USO1: variants seen among roughly 807,000 people sequenced by gnomAD.
USO1 encodes USO1 vesicle transport factor, also known as general vesicular transport factor p115.
USO1 carries 57 observed loss-of-function variants against 124.5 expected under a neutral mutation model. That is an observed-to-expected ratio of 0.46 (90% CI 0.37 to 0.57). The LOEUF is 0.57. Ranked by LOEUF, USO1 falls within the 20% of genes least tolerant of loss-of-function variation. The pLI, the probability that USO1 is intolerant of heterozygous loss-of-function variation, is 0.00. For synonymous variants in USO1, 369 were observed against 362.8 expected (o/e 1.02, Z -0.19); for missense variants, 900 against 1,040.6 (o/e 0.86, Z 1.86).
rs72649496 is a variant in USO1, at chr4:75,782,851, T to C, written c.848T>C (p.Met283Thr). ...SAQKVTNLHL[M>T]LQLVRVLVSP... Reference sequence around the variant, plus strand: ...CAGAAAGTGACCAATCTACATCTAATGCTACAGGTATACTATCCTTAGACA... The same window carrying C: ...CAGAAAGTGACCAATCTACATCTAACGCTACAGGTATACTATCCTTAGACA... Residue 283 changes from methionine to threonine, a missense_variant, in exon 9 of 24, where the codon ATG (methionine) becomes ACG (threonine). By Grantham distance (81) the Met-to-Thr change is moderately conservative. Around this residue, in one of 2 missense-constraint regions of USO1, gnomAD observed 538 missense variants for 681.6 expected, o/e 0.79. Transcript: ENST00000514213. 138 of 1,591,072 alleles carry C rather than the reference T, an allele frequency of 8.7e-5. No individual in the cohort carries two copies. Among genetic ancestry groups the C allele is most frequent in the Non-Finnish European group, 8.9e-5 (105 of 1,173,484 alleles).
At chr4:75,760,747 A>G in intron 4 of USO1, 1 of 387,720 alleles carries the variant, frequency 2.6e-6, no homozygotes. Context: ...TCTTTAATTG[A>G]AGAGGAATAT....
intron 13 of USO1, among the ~76,000 whole-genome samples, chr4:75,796,820 C>T (rs535913540): frequency 5.9e-5 from 9 of 151,346 alleles, no homozygotes; most frequent in Admixed American, 5.3e-4. Flanking sequence ...TTATTTATAT[C>T]CTCTGCCCAT....
intron 23 of USO1, 37 bp downstream of exon 23, chr4:75,812,412 T>C: frequency 1.3e-6 from 2 of 1,525,142 alleles, no homozygotes; most frequent in South Asian, 2.5e-5. Context: ...ATTTGTATTA[T>C]GTTTTAGTAT....
chr4:75,725,581 G>C (rs570339969), intron 1 of USO1, among the ~76,000 whole-genome samples: 2 of 149,908 alleles, frequency 1.3e-5, no homozygotes, highest in African/African-American at 4.9e-5. Context: ...ACCGCTTTCT[G>C]CCTGAACTCC....
rs143889940 is a variant in USO1, at chr4:75,793,424, C to T, written c.1241-266C>T. 2.4e-4 allele frequency among the ~76,000 whole-genome samples: 36 copies of T among 152,014 alleles called. 1 individual carries two copies. Among genetic ancestry groups the T allele is most frequent in the African/African-American group, 6.5e-4 (27 of 41,478 alleles). On this transcript the variant is annotated intron_variant, in intron 12 of 23. Transcript: ENST00000514213. The stretch of plus-strand genomic sequence containing the variant: ...CCTTCCAAAGTGCGAGAATTACAGG[C>T]GTGAGCCACCATGCCCAGCCTCCAC...
At chr4:75,808,916 C>T in intron 20 of USO1, 37 bp from the exon 21 acceptor site, 1 of 1,545,398 alleles carries the variant, frequency 6.5e-7, no homozygotes, top group Non-Finnish European at 8.7e-7. Flanking sequence ...AATTTAATAC[C>T]ATTTAATGTT....
At position 75,724,774 on chromosome 4, in the gene USO1, C is replaced by CT. The variant is rs147239968; in HGVS notation, c.-38dup. 77 of 1,580,872 alleles carry CT rather than the reference C, an allele frequency of 4.9e-5. No individual in the cohort carries two copies. Among genetic ancestry groups the CT allele is most frequent in the Middle Eastern group, 3.5e-4 (2 of 5,778 alleles). On this transcript the variant is annotated 5_prime_UTR_variant, in exon 1 of 24. Coordinates refer to ENST00000514213, the MANE Select transcript of USO1 (RefSeq NM_003715.4). ...TGCGGAGGGCGGGGGAAGTTGTCTT[C>CT]TTTTTTTTCCGGAGGGGCCGGTAAA...
At chr4:75,750,577 G>A (rs960318476) in intron 1 of USO1, among the ~76,000 whole-genome samples, 2 of 151,904 alleles carry the variant, frequency 1.3e-5, no homozygotes, top group South Asian at 2.1e-4. Flanking sequence ...TCTGCCTCCC[G>A]GGTTCAAGCG....
intron 1 of USO1, among the ~76,000 whole-genome samples, chr4:75,732,703 C>A (rs978518181): frequency 6.6e-6 from 1 of 150,612 alleles, no homozygotes; most frequent in African/African-American, 2.4e-5. Flanking sequence ...ATGGTGAAAC[C>A]CCGTCTCTAC....
chr4:75,753,870 G>A (rs1349078936), intron 3 of USO1, among the ~76,000 whole-genome samples: 5 of 142,808 alleles, frequency 3.5e-5, no homozygotes, highest in Non-Finnish European at 6.0e-5. Context: ...TGCAAGCTCC[G>A]CCTCCCGAGT....
intron 1 of USO1, among the ~76,000 whole-genome samples, chr4:75,742,297 CAT>C (rs1720986442): frequency 6.6e-6 from 1 of 152,166 alleles, no homozygotes. Context: ...ACCACAAACA[CAT>C]GAGTAATGTG....
intron 4 of USO1, among the ~76,000 whole-genome samples, chr4:75,760,207 G>A (rs1207093088): frequency 6.6e-6 from 1 of 152,066 alleles, no homozygotes; most frequent in Non-Finnish European, 1.5e-5. Flanking sequence ...GGGAGACTCT[G>A]TCTCAAAAAT....
chr4:75,771,127 T>C lies in USO1; in HGVS notation c.545T>C (p.Ile182Thr), dbSNP rs755014330. The change falls in exon 7 of 24, where the codon ATA (isoleucine) becomes ACA (threonine). Residue 182 changes from isoleucine to threonine, a missense_variant. By Grantham distance (89) the Ile-to-Thr change is moderately conservative. This residue lies in a region of USO1 where 538 missense variants were observed against 681.6 expected (regional missense o/e 0.79). Coordinates refer to ENST00000514213, the MANE Select transcript of USO1 (RefSeq NM_003715.4). ...MDLLADSREVIRNDGVLLLQA... is the reference protein window; with the variant it reads ...MDLLADSREVTRNDGVLLLQA... ...TTACTAGCGGATTCCAGGGAAGTTA[T>C]ACGTAATGATGTAAGTTAAATTTCA... 4 of 1,610,288 alleles carry C rather than the reference T, an allele frequency of 2.5e-6. No homozygotes were observed. The Admixed American group carries it at 5.1e-5, about 20-fold the overall frequency.
intron 1 of USO1, among the ~76,000 whole-genome samples, chr4:75,729,098 A>C (rs2149135431): frequency 6.6e-6 from 1 of 151,970 alleles, no homozygotes; most frequent in East Asian, 2.0e-4. Flanking sequence ...ACCTGGCCCC[A>C]GAGTCGGGTA....
intron 8 of USO1, among the ~76,000 whole-genome samples, chr4:75,775,575 G>T: frequency 6.6e-6 from 1 of 152,030 alleles, no homozygotes; most frequent in Non-Finnish European, 1.5e-5. Flanking sequence ...CCCATTAAGG[G>T]TATTCACCAT....
In USO1 at chr4:75,804,115, A is replaced by C. The variant is rs750448562; in HGVS notation, c.1987-19A>C. On this transcript the variant is annotated intron_variant, in intron 17 of 23. Transcript: ENST00000514213. ...ACGAGTATGACTTTAAAACACATGAATTATGTTTTGTTTCACAGGATCTCC... is the reference window on the plus strand; with the variant it reads ...ACGAGTATGACTTTAAAACACATGACTTATGTTTTGTTTCACAGGATCTCC... 1 of 1,610,674 alleles carries C rather than the reference A, an allele frequency of 6.2e-7. No homozygotes were observed. The highest frequency in any genetic ancestry group is 8.5e-7 in the Non-Finnish European group (1 of 1,178,634).
At chr4:75,732,474 G>A (rs1348408879) in intron 1 of USO1, among the ~76,000 whole-genome samples, 1 of 152,268 alleles carries the variant, frequency 6.6e-6, no homozygotes, top group East Asian at 1.9e-4. Context: ...GAATATGCAA[G>A]TGCATATGGC....
chr4:75,770,840 C>G lies in USO1; in HGVS notation c.415C>G (p.Arg139Gly). Residue 139 changes from arginine to glycine, a missense_variant, in exon 6 of 24, where the codon CGC (arginine) becomes GGC (glycine). Arg to Gly is a moderately radical substitution (Grantham distance 125). Coordinates refer to ENST00000514213, the MANE Select transcript of USO1 (RefSeq NM_003715.4). Reference sequence around the variant, plus strand: ...ATTGCAGGAGTTTGATTTCCATGTCCGCTGGCCTGGTGTGAAGCTTCTTAC... The same window carrying G: ...ATTGCAGGAGTTTGATTTCCATGTCGGCTGGCCTGGTGTGAAGCTTCTTAC... ...SLLEEFDFHV[R>G]WPGVKLLTSL... The G allele has an allele frequency of 6.2e-7, 1 of 1,612,324 alleles. No individual in the cohort carries two copies. Among genetic ancestry groups the G allele is most frequent in the East Asian group, 2.2e-5 (1 of 44,840 alleles).
intron 7 of USO1, 114 bp downstream of exon 7, chr4:75,771,251 CTT>C: frequency 8.1e-7 from 1 of 1,232,858 alleles, no homozygotes. Context: ...GAGTAATGAC[CTT>C]TTTTTAAAAA....
Sources: allele counts gnomAD v4.1 joint callset (sites outside exome capture counted in the v4.1 genomes callset), GRCh38; gene constraint gnomAD v4.1.1; regional missense constraint gnomAD v4.1.1; transcripts MANE v1.5; gene names NCBI Gene and HGNC (gene_info 2026-07-23, HGNC 2026-07-21).